The following MAPK12 variants were observed in gnomAD, a reference collection of about 807,000 sequenced individuals.
MAPK12 encodes the protein MAP kinase 12.
A neutral mutation model predicts 49.1 loss-of-function variants in MAPK12; 49 were observed. That is an observed-to-expected ratio of 1.00 (90% confidence interval 0.79 to 1.27). The LOEUF (loss-of-function observed/expected upper bound fraction) is 1.27, where lower values mean the gene tolerates loss of function less well. Ranked by LOEUF, MAPK12 falls within the 50% of genes most tolerant of loss-of-function variation. MAPK12 has a pLI of 0.00. For missense variants in MAPK12, 554 were observed against 502.4 expected, an observed-to-expected ratio of 1.10 and a Z score of -0.98; for synonymous variants, 251 against 209.7, an observed-to-expected ratio of 1.20 and a Z score of -1.70.
At chr22:50,261,144 C>T (rs778304014) in intron 2 of MAPK12, 23 bp downstream of exon 2, 10 of 1,560,510 alleles carry the variant, frequency 6.4e-6, no homozygotes, top group South Asian at 4.6e-5. Context: ...GGCGCCTTCC[C>T]GGAGCGGGGC....
In MAPK12 at chr22:50,256,654, C is replaced by T. The variant is rs764303500; in HGVS notation, c.457-8G>A. On this transcript the variant is annotated splice_polypyrimidine_tract_variant and splice_region_variant and intron_variant, in intron 5 of 11. Coordinates refer to ENST00000215659, the MANE Select transcript of MAPK12 (RefSeq NM_002969.6). ...GTTGCCGGGCTTCAGGTCCTGGGGG[C>T]AGAGGAAAGGTGGCCACTGTGCCCC... is the stretch of plus-strand genomic sequence containing the variant. 1 of 1,609,248 alleles carries T rather than the reference C, an allele frequency of 6.2e-7. No homozygotes were observed. The highest frequency in any genetic ancestry group is 1.3e-5 in the African/African-American group (1 of 74,946).
At chr22:50,254,791 CT>C (rs2147254641) in intron 11 of MAPK12, 2 of 1,144,324 alleles carry the variant, frequency 1.7e-6, no homozygotes, top group South Asian at 4.0e-5. Context: ...GGCAGCAGGT[CT>C]GGGGGCCAGG....
intron 4 of MAPK12, 57 bp downstream of exon 4, chr22:50,257,025 C>G (rs1485212541): frequency 6.2e-7 from 1 of 1,604,002 alleles, no homozygotes; most frequent in East Asian, 2.2e-5. Context: ...CAGGGCCCTC[C>G]TCTGCCCAGC....
chr22:50,258,731 C>A (rs764458202), intron 2 of MAPK12, among the ~76,000 whole-genome samples: 1 of 152,216 alleles, frequency 6.6e-6, no homozygotes, highest in Non-Finnish European at 1.5e-5. Flanking sequence ...GCACCGTGAC[C>A]CACCAGACCT....
chr22:50,254,842 C>T, intron 11 of MAPK12: 3 of 1,181,126 alleles, frequency 2.5e-6, no homozygotes, highest in Non-Finnish European at 3.2e-6. Flanking sequence ...TCACAGCTGC[C>T]TTTCACCACT....
At chr22:50,254,280 CG>C (rs76989507) in intron 11 of MAPK12, 7,476 of 152,550 alleles carry the variant, frequency 0.049, 282 homozygotes, top group Admixed American at 0.11. Flanking sequence ...GACTGCTTAG[CG>C]GGGGCTGGGG....
In MAPK12 at chr22:50,261,650, C is replaced by T; in HGVS notation, c.-141G>A. 1 of 914,336 alleles carries T rather than the reference C, an allele frequency of 1.1e-6. No homozygotes were observed. The highest frequency in any genetic ancestry group is 1.3e-6 in the Non-Finnish European group (1 of 763,818). 56.6% of individuals were successfully genotyped at this position (914,336 alleles called of 1,614,324 possible). A position where few individuals can be genotyped will look rare whatever the true frequency, so the allele number is the denominator to read the frequency against. ...CGCCCGCCCGCCGGCCGCTGGGGCG[C>T]TCCCGCTCCCGGCCCTTCCCTCAGG... On this transcript the variant is annotated 5_prime_UTR_variant, in exon 1 of 12. Transcript: ENST00000215659.
rs1005553253 is a variant in MAPK12 at position 50,253,338 on chromosome 22, A to T, written c.*63T>A. On this transcript the variant is annotated 3_prime_UTR_variant, in exon 12 of 12. Transcript: ENST00000215659. ...CCCAGCCAAGGTCAAGGTGGCAACG[A>T]GAGTCCCCTCTCAGGTGGAAGGTGA... is the stretch of plus-strand genomic sequence containing the variant. 1 of 1,242,646 alleles carries T rather than the reference A, an allele frequency of 8.0e-7. No individual in the cohort carries two copies. Among genetic ancestry groups the T allele is most frequent in the Non-Finnish European group, 1.2e-6 (1 of 866,352 alleles). The allele number at this position is 1,242,646 out of a possible 1,614,324, so 77.0% of individuals were successfully genotyped here. A position where few individuals can be genotyped will look rare whatever the true frequency, so the allele number is the denominator to read the frequency against.
chr22:50,259,941 G>C (rs1319721287), intron 2 of MAPK12, among the ~76,000 whole-genome samples: 3 of 150,104 alleles, frequency 2.0e-5, no homozygotes, highest in Admixed American at 1.3e-4. Context: ...GGCAAGGCAC[G>C]GGTGGGTGAG....
rs144357998 is a variant in MAPK12 at position 50,260,466 on chromosome 22, G to C, written c.255+701C>G. Among the ~76,000 whole-genome samples the C allele has an allele frequency of 7.7e-3, 1,179 of 152,236 alleles. 17 individuals carry two copies. Among genetic ancestry groups the C allele is most frequent in the African/African-American group, 0.027 (1,118 of 41,510 alleles). The stretch of plus-strand genomic sequence containing the variant: ...GAAACCAGAGCACCCCTGGCAGAGA[G>C]ATCGGGTTCTTAGCAGCCAGCCACC... On this transcript the variant is annotated intron_variant, in intron 2 of 11. Coordinates refer to ENST00000215659, the MANE Select transcript of MAPK12 (RefSeq NM_002969.6).
At chr22:50,253,730 A>G (rs2065121734) in intron 11 of MAPK12, 2 of 563,778 alleles carry the variant, frequency 3.5e-6, no homozygotes, top group Non-Finnish European at 6.4e-6. Context: ...CTGAGGCCTC[A>G]GCCACAGTTG....
In MAPK12 at chr22:50,255,134, C is replaced by G. The variant is rs908217462; in HGVS notation, c.1024+63G>C. The G allele has an allele frequency of 4.4e-6, 7 of 1,597,592 alleles. No individual in the cohort carries two copies. In the African/African-American group the frequency reaches 9.5e-5, roughly 22 times the overall value. ...GGAGCCCCCAACTCACAGGTCCACA[C>G]AGGCCCTGCCCAGAGCCCCCCACTT... is the stretch of plus-strand genomic sequence containing the variant. On this transcript the variant is annotated intron_variant, in intron 11 of 11. Transcript: ENST00000215659.
intron 6 of MAPK12, 55 bp from the exon 7 acceptor site, chr22:50,256,254 C>T: frequency 7.2e-7 from 1 of 1,383,554 alleles, no homozygotes; most frequent in Non-Finnish European, 1.0e-6. Context: ...AGCGGACAGG[C>T]CACCCACGGT....
chr22:50,256,548 C>T, intron 6 of MAPK12, 51 bp downstream of exon 6: 1 of 1,589,490 alleles, frequency 6.3e-7, no homozygotes, highest in Non-Finnish European at 8.6e-7. Flanking sequence ...ATGGGCAGAT[C>T]CAGAGGGGGC....
chr22:50,253,826 C>A, intron 11 of MAPK12: 1 of 352,550 alleles, frequency 2.8e-6, no homozygotes. Flanking sequence ...TCAAACAAAG[C>A]CAAACTCATA....
Position 50,255,295 on chromosome 22 carries a change from G to A in MAPK12, c.926C>T (p.Pro309Leu), listed in dbSNP as rs559897016. The change falls in exon 11 of 12, where the codon CCC becomes CTC. Residue 309 changes from proline to leucine, a missense_variant. Coordinates refer to ENST00000215659, the MANE Select transcript of MAPK12 (RefSeq NM_002969.6). ...CGTGTCGTGCAGGGACTCGAAGTAG[G>A]GATGGGCCAGCGCCTCGCCTGCCGT... is the stretch of plus-strand genomic sequence containing the variant. ...RVTAGEALAH[P>L]YFESLHDTED... The A allele has an allele frequency of 2.7e-5, 44 of 1,613,650 alleles. No individual in the cohort carries two copies. In the East Asian group the frequency reaches 8.5e-4, roughly 31 times the overall value.
At chr22:50,257,474 C>T in intron 3 of MAPK12, 1 of 549,582 alleles carries the variant, frequency 1.8e-6, no homozygotes, top group Non-Finnish European at 3.3e-6. Context: ...GTTTTTGAAC[C>T]CTCCGCTGAA....
At chr22:50,261,103 A>G (rs2065207784) in intron 2 of MAPK12, 64 bp downstream of exon 2, 2 of 1,456,156 alleles carry the variant, frequency 1.4e-6, no homozygotes, top group Non-Finnish European at 1.8e-6. Context: ...GGGTGGGGGA[A>G]CCCAGCCCAG....
rs761670017 is a variant in MAPK12, at chr22:50,257,154, C to T, written c.354G>A (p.Lys118=). 25 of 1,612,742 alleles carry T rather than the reference C, an allele frequency of 1.6e-5. No individual in the cohort carries two copies. In the South Asian group the frequency reaches 2.7e-4, roughly 18 times the overall value. ...VMPFMGTDLG[K]LMKHEKLGED... The stretch of plus-strand genomic sequence containing the variant: ...CGCCTAGCTTCTCATGTTTCATGAG[C>T]TTGCCCAGGTCGGTGCCCATGAACG... Residue 118 remains lysine, a synonymous_variant, in exon 4 of 12, where the codon AAG becomes AAA. Transcript: ENST00000215659.
Sources: allele counts gnomAD v4.1 joint callset (sites outside exome capture counted in the v4.1 genomes callset), GRCh38; gene constraint gnomAD v4.1.1; transcripts MANE v1.5; gene names NCBI Gene and HGNC (gene_info 2026-07-23, HGNC 2026-07-21).